SPDYE18: variants seen among roughly 807,000 people sequenced by gnomAD.
The protein encoded by SPDYE18 is speedy protein E18.
Under a neutral mutation model 44.9 loss-of-function variants are expected in SPDYE18, and 6 were observed. The observed-to-expected ratio is 0.13, with a 90% CI of 0.07 to 0.26. The LOEUF (loss-of-function observed/expected upper bound fraction) is 0.26, where lower values mean the gene tolerates loss of function less well. SPDYE18 is among the 10% of genes least tolerant of loss of function. The pLI is 1.00. For synonymous variants in SPDYE18, 35 were observed against 177.1 expected (o/e 0.20, Z 6.37); for missense variants, 121 against 463.2 (o/e 0.26, Z 6.78).
At position 77,060,479 on chromosome 7, in the gene SPDYE18, C is replaced by G; in HGVS notation, c.34G>C (p.Gly12Arg). Residue 12 changes from glycine to arginine, a missense_variant, in exon 2 of 9, where the codon GGA becomes CGA. Coordinates refer to ENST00000510091, the MANE Select transcript of SPDYE18 (RefSeq NM_001394953.1). ...DRTKTRFRKR[G>R]QITGKITTSR... ...GTCGTGATCTTTCCCGTAATCTGTC[C>G]CCTCTTACGGAACCTAGTCTTCGTT... is the stretch of plus-strand genomic sequence containing the variant. The G allele has an allele frequency of 6.5e-7, 1 of 1,535,236 alleles. No individual in the cohort carries two copies. The highest frequency in any genetic ancestry group is 8.7e-7 in the Non-Finnish European group (1 of 1,146,782).
chr7:77,058,916 C>A (rs1224697284), intron 3 of SPDYE18, among the ~76,000 whole-genome samples: 1 of 152,090 alleles, frequency 6.6e-6, no homozygotes, highest in East Asian at 1.9e-4. Context: ...CCTCAGCCTC[C>A]CAGCGTGCTA....
chr7:77,050,931 TAAATA>T lies in SPDYE18; in HGVS notation c.*989_*993del, dbSNP rs1477587258. ...TAAATATATTTAATAAATATTTCAA[TAAATA>T]AAATAATACTTAAATAATTCTATAC... On this transcript the variant is annotated 3_prime_UTR_variant, in exon 9 of 9. Coordinates refer to ENST00000510091, the MANE Select transcript of SPDYE18 (RefSeq NM_001394953.1). Among the ~76,000 whole-genome samples, 2 of 148,934 alleles carry T rather than the reference TAAATA, an allele frequency of 1.3e-5. No homozygotes were observed. Among genetic ancestry groups the T allele is most frequent in the African/African-American group, 2.4e-5 (1 of 41,050 alleles).
At chr7:77,055,421 G>C in intron 5 of SPDYE18, 100 bp from the exon 6 acceptor site, 1 of 876,404 alleles carries the variant, frequency 1.1e-6, no homozygotes, top group Non-Finnish European at 1.9e-6. Flanking sequence ...CTGCCCATCA[G>C]AGAAGGGACC....
chr7:77,054,880 GCC>G (rs199539206), intron 6 of SPDYE18, among the ~76,000 whole-genome samples: 1,924 of 151,372 alleles, frequency 0.013, 1 homozygote, highest in African/African-American at 0.037. Context: ...GGGTTCTCTT[GCC>G]TCAGCCTCCC....
chr7:77,057,194 G>A (rs200778979), intron 4 of SPDYE18, among the ~76,000 whole-genome samples: 21,160 of 150,810 alleles, frequency 0.14, 379 homozygotes, highest in East Asian at 0.29. Context: ...GGGTTTAAGC[G>A]ATTCTCCTGT....
intron 5 of SPDYE18, among the ~76,000 whole-genome samples, chr7:77,056,212 AC>A (rs2117319516): frequency 1.3e-5 from 1 of 77,860 alleles, no homozygotes; most frequent in East Asian, 3.9e-4. Flanking sequence ...GGTGTTCAGG[AC>A]CAACCTGGCC....
Position 77,053,941 on chromosome 7 carries a change from T to C in SPDYE18, c.756-738A>G, listed in dbSNP as rs983352604. On this transcript the variant is annotated intron_variant, in intron 6 of 8. Transcript: ENST00000510091. ...GGGAGGATCGCTTGAGCCCAGGATA[T>C]GGAGGCTGCAGTGAGCTATGATCTC... Among the ~76,000 whole-genome samples the C allele has an allele frequency of 6.6e-4, 97 of 146,866 alleles. 2 individuals carry two copies. Among genetic ancestry groups the C allele is most frequent in the Non-Finnish European group, 1.1e-3 (75 of 66,820 alleles).
At chr7:77,054,267 C>T (rs4729114) in intron 6 of SPDYE18, among the ~76,000 whole-genome samples, 18,159 of 143,836 alleles carry the variant, frequency 0.13, 348 homozygotes, top group East Asian at 0.27. Flanking sequence ...AAAACACAAA[C>T]ACAAAGTCGA....
At chr7:77,058,449 C>A (rs1789964299) in intron 3 of SPDYE18, among the ~76,000 whole-genome samples, 1 of 122,992 alleles carries the variant, frequency 8.1e-6, no homozygotes, top group Non-Finnish European at 1.7e-5. Context: ...TCCATTCTTC[C>A]CACACACCCT....
intron 2 of SPDYE18, among the ~76,000 whole-genome samples, chr7:77,059,995 C>G (rs1789994061): frequency 6.7e-6 from 1 of 148,320 alleles, no homozygotes; most frequent in South Asian, 2.1e-4. Flanking sequence ...GTTCTCCTTC[C>G]TGACCGCTGA....
chr7:77,060,581 G>C lies in SPDYE18; in HGVS notation c.-69C>G. 1 of 1,534,216 alleles carries C rather than the reference G, an allele frequency of 6.5e-7. No homozygotes were observed. The highest frequency in any genetic ancestry group is 8.7e-7 in the Non-Finnish European group (1 of 1,146,274). On this transcript the variant is annotated 5_prime_UTR_variant, in exon 2 of 9. Coordinates refer to ENST00000510091, the MANE Select transcript of SPDYE18 (RefSeq NM_001394953.1). ...CAATTCTCAAGCCTAGGAGAAGTCA[G>C]GAGTGGAGAACAGCTCTGAGAAGAT...
Position 77,050,666 on chromosome 7 carries a change from C to T in SPDYE18, c.*1259G>A, listed in dbSNP as rs1206073605. Among the ~76,000 whole-genome samples the T allele has an allele frequency of 6.6e-6, 1 of 152,098 alleles. No homozygotes were observed. The highest frequency in any genetic ancestry group is 1.5e-5 in the Non-Finnish European group (1 of 68,020). ...TGTAATATATATGTTAACTAAGTAT[C>T]ACAGATAAAAACCATGCTCCCTTCA... is the stretch of plus-strand genomic sequence containing the variant. On this transcript the variant is annotated 3_prime_UTR_variant, in exon 9 of 9. Transcript: ENST00000510091.
rs1270743274 is a variant in SPDYE18, at chr7:77,055,537, C to G, written c.670-216G>C. On this transcript the variant is annotated intron_variant, in intron 5 of 8. Coordinates refer to ENST00000510091, the MANE Select transcript of SPDYE18 (RefSeq NM_001394953.1). ...AGAGGAAGGGTTTTGGGTGATGCTCCCAGGATGGTGGGCTCCGATGGGATC... is the reference window on the plus strand; with the variant it reads ...AGAGGAAGGGTTTTGGGTGATGCTCGCAGGATGGTGGGCTCCGATGGGATC... 4.8e-3 allele frequency among the ~76,000 whole-genome samples: 635 copies of G among 131,108 alleles called. 4 individuals are homozygous for G. Among genetic ancestry groups the G allele is most frequent in the African/African-American group, 0.018 (602 of 34,400 alleles). The allele number at this position is 131,108 out of a possible 152,430, so 86.0% of individuals were successfully genotyped here. A position where few individuals can be genotyped will look rare whatever the true frequency, so the allele number is the denominator to read the frequency against.
Position 77,060,365 on chromosome 7 carries a change from A to T in SPDYE18, c.148T>A (p.Leu50Met), listed in dbSNP as rs897281819. The T allele has an allele frequency of 8.5e-5, 130 of 1,535,314 alleles. No individual in the cohort carries two copies. Among genetic ancestry groups the T allele is most frequent in the Admixed American group, 2.7e-4 (14 of 50,958 alleles). ...CCAGTCCCCTCACCTGATGGTCCCA[A>T]CACTTCATCATCCACCACCTCCTGG... ...PLQEVVDDEV[L>M]GPSAPGVDPS... The change falls in exon 2 of 9, where the codon TTG becomes ATG. Residue 50 changes from leucine (L) to methionine (M), a missense_variant. Physicochemically the swap from Leu to Met is conservative, Grantham distance 15. Transcript: ENST00000510091.
rs1479979708 is a variant in SPDYE18, at chr7:77,050,749, A to G, written c.*1176T>C. 6.6e-6 allele frequency among the ~76,000 whole-genome samples: 1 copy of G among 152,098 alleles called. No individual in the cohort carries two copies. The highest frequency in any genetic ancestry group is 1.5e-5 in the Non-Finnish European group (1 of 68,010). On this transcript the variant is annotated 3_prime_UTR_variant, in exon 9 of 9. Coordinates refer to ENST00000510091, the MANE Select transcript of SPDYE18 (RefSeq NM_001394953.1). ...AAGGTAAAAGATTTAGGATGAAAAGAATCCTCTCTTAAAAAGGAAAACAAA... is the reference window on the plus strand; with the variant it reads ...AAGGTAAAAGATTTAGGATGAAAAGGATCCTCTCTTAAAAAGGAAAACAAA...
intron 3 of SPDYE18, among the ~76,000 whole-genome samples, chr7:77,058,109 T>C (rs1309995044): frequency 1.6e-4 from 17 of 103,928 alleles, no homozygotes; most frequent in African/African-American, 6.6e-4. Flanking sequence ...CCTGGCTCTC[T>C]GAGTCTCTTT....
chr7:77,052,064 C>T (rs1789811314), intron 8 of SPDYE18, among the ~76,000 whole-genome samples, 185 bp from the exon 9 acceptor site: 1 of 132,088 alleles, frequency 7.6e-6, no homozygotes, highest in Admixed American at 8.1e-5. Flanking sequence ...CTTTGGTGAC[C>T]ACAACTCCAA....
At chr7:77,052,444 AT>A (rs1393780276) in intron 8 of SPDYE18, among the ~76,000 whole-genome samples, 1 of 151,992 alleles carries the variant, frequency 6.6e-6, no homozygotes, top group Non-Finnish European at 1.5e-5. Flanking sequence ...AGTATTTATG[AT>A]TATTTTTGAG....
At chr7:77,056,365 G>A (rs1789919951) in intron 5 of SPDYE18, among the ~76,000 whole-genome samples, 185 bp downstream of exon 5, 3 of 67,752 alleles carry the variant, frequency 4.4e-5, no homozygotes, top group South Asian at 1.4e-3. Flanking sequence ...AGTCAAGATC[G>A]AGACACTGCC....
Sources: allele counts gnomAD v4.1 joint callset (sites outside exome capture counted in the v4.1 genomes callset), GRCh38; gene constraint gnomAD v4.1.1; transcripts MANE v1.5; gene names NCBI Gene and HGNC (gene_info 2026-07-23, HGNC 2026-07-21).